The following PRKG1 variants were observed in gnomAD, a reference collection of about 807,000 sequenced individuals.
PRKG1 encodes the protein cGMP-dependent protein kinase 1.
Under a neutral mutation model 88.1 loss-of-function variants are expected in PRKG1, and 35 were observed. The ratio of observed to expected loss-of-function variants is 0.40; its 90% confidence interval spans 0.30 to 0.53. The LOEUF (loss-of-function observed/expected upper bound fraction) is 0.53. PRKG1 is among the 20% of genes least tolerant of loss of function. The pLI, the probability that PRKG1 is intolerant of heterozygous loss-of-function variation, is 0.59. For missense variants in PRKG1, 540 were observed against 839.8 expected, an observed-to-expected ratio of 0.64 and a Z score of 4.41; for synonymous variants, 303 against 292.5, an observed-to-expected ratio of 1.04 and a Z score of -0.37.
At chr10:52,052,288 T>G (rs1846005896) in intron 5 of PRKG1, among the ~76,000 whole-genome samples, 1 of 152,020 alleles carries the variant, frequency 6.6e-6, no homozygotes, top group Non-Finnish European at 1.5e-5. Flanking sequence ...TCAGAAATGT[T>G]TGCTGGAAAG....
At chr10:51,408,396 A>G (rs1345418101) in intron 2 of PRKG1, among the ~76,000 whole-genome samples, 1 of 152,206 alleles carries the variant, frequency 6.6e-6, no homozygotes, top group Non-Finnish European at 1.5e-5. Flanking sequence ...GTTAGAGGCA[A>G]TGCTGTATGG....
At chr10:52,086,735 A>G (rs568276866) in intron 7 of PRKG1, among the ~76,000 whole-genome samples, 7 of 152,202 alleles carry the variant, frequency 4.6e-5, no homozygotes, top group African/African-American at 1.4e-4. Flanking sequence ...AATTCGCTAT[A>G]TGTGGGCATT....
chr10:52,192,870 T>A (rs1036603181), intron 9 of PRKG1, among the ~76,000 whole-genome samples: 2 of 152,056 alleles, frequency 1.3e-5, no homozygotes, highest in African/African-American at 4.8e-5. Flanking sequence ...AGCTGTAGAT[T>A]TTTTTTTCAC....
intron 3 of PRKG1, among the ~76,000 whole-genome samples, chr10:51,507,530 T>C (rs1841257107): frequency 6.6e-6 from 1 of 152,088 alleles, no homozygotes; most frequent in African/African-American, 2.4e-5. Context: ...GTATCATGAG[T>C]ACAGTGTTTC....
chr10:51,375,198 A>C (rs1181375318), intron 2 of PRKG1, among the ~76,000 whole-genome samples: 2 of 152,188 alleles, frequency 1.3e-5, no homozygotes, highest in Non-Finnish European at 2.9e-5. Flanking sequence ...CTGCTACTGT[A>C]AGTTAGAAAG....
At chr10:51,145,177 G>T (rs1845914308) in intron 1 of PRKG1, among the ~76,000 whole-genome samples, 1 of 152,172 alleles carries the variant, frequency 6.6e-6, no homozygotes, top group East Asian at 1.9e-4. Flanking sequence ...CTCAATGTAT[G>T]CCCTGATGAT....
intron 3 of PRKG1, among the ~76,000 whole-genome samples, chr10:51,581,849 C>G (rs903449696): frequency 2.0e-5 from 3 of 151,688 alleles, no homozygotes; most frequent in African/African-American, 7.3e-5. Flanking sequence ...TATTCCATAG[C>G]AATAGTTTCA....
chr10:51,695,671 G>A (rs1235830743), intron 3 of PRKG1: 2 of 152,104 alleles, frequency 1.3e-5, no homozygotes, highest in African/African-American at 2.4e-5. Flanking sequence ...ATGTAAACGC[G>A]AGTTATCCTC....
intron 3 of PRKG1, among the ~76,000 whole-genome samples, chr10:51,735,930 C>CTTTTTTT (rs1180307253): frequency 1.1e-4 from 8 of 74,962 alleles, no homozygotes; most frequent in African/African-American, 1.6e-4. Context: ...TTTAAGTTGT[C>CTTTTTTT]TTTTTTTTTT....
chr10:51,901,912 T>A (rs1201770854), intron 4 of PRKG1, among the ~76,000 whole-genome samples: 1 of 152,112 alleles, frequency 6.6e-6, no homozygotes, highest in Admixed American at 6.5e-5. Context: ...TGATGTGACA[T>A]TTAAAAAATA....
In PRKG1 at chr10:51,535,970, G is replaced by A. The variant is rs891134361; in HGVS notation, c.592+68134G>A. Among the ~76,000 whole-genome samples, 24 of 152,136 alleles carry A rather than the reference G, an allele frequency of 1.6e-4. No homozygotes were observed. In the South Asian group the frequency reaches 2.7e-3, roughly 17 times the overall value. On this transcript the variant is annotated intron_variant, in intron 3 of 17. Transcript: ENST00000373980. ...CCTCCTGACCTCAGGTGATCCACCC[G>A]CCTCAGCTTCCCAAAGCCCTGTGAT...
At chr10:51,226,622 A>G (rs1003190565) in intron 2 of PRKG1, among the ~76,000 whole-genome samples, 1 of 152,224 alleles carries the variant, frequency 6.6e-6, no homozygotes. Context: ...GCTTAATAGC[A>G]TACTAATACA....
At chr10:51,507,854 T>C (rs923835649) in intron 3 of PRKG1, among the ~76,000 whole-genome samples, 3 of 152,192 alleles carry the variant, frequency 2.0e-5, no homozygotes, top group African/African-American at 4.8e-5. Context: ...TCCATGTCTA[T>C]AGCTTACAGT....
At chr10:51,943,037 C>G (rs1842945136) in intron 5 of PRKG1, among the ~76,000 whole-genome samples, 1 of 151,950 alleles carries the variant, frequency 6.6e-6, no homozygotes, top group Admixed American at 6.6e-5. Context: ...TATAAATTAC[C>G]TTGGGCAGTA....
At chr10:51,641,780 A>T (rs1839807170) in intron 3 of PRKG1, among the ~76,000 whole-genome samples, 1 of 151,766 alleles carries the variant, frequency 6.6e-6, no homozygotes, top group African/African-American at 2.4e-5. Flanking sequence ...GACAAATTAT[A>T]TTTTTCCCCT....
At chr10:51,828,238 T>G (rs1463132254) in intron 4 of PRKG1, among the ~76,000 whole-genome samples, 1 of 152,148 alleles carries the variant, frequency 6.6e-6, no homozygotes, top group Non-Finnish European at 1.5e-5. Flanking sequence ...AGCTTTACTC[T>G]TATTTACCTT....
At chr10:51,408,850 T>G (rs1837997700) in intron 2 of PRKG1, among the ~76,000 whole-genome samples, 1 of 152,228 alleles carries the variant, frequency 6.6e-6, no homozygotes, top group African/African-American at 2.4e-5. Flanking sequence ...AATCCTCTTC[T>G]GCTGAGGTCA....
intron 3 of PRKG1, among the ~76,000 whole-genome samples, chr10:51,714,999 T>C (rs1841851519): frequency 6.6e-6 from 1 of 152,158 alleles, no homozygotes; most frequent in Non-Finnish European, 1.5e-5. Flanking sequence ...TATGCCACTA[T>C]TCTTTTTTTA....
chr10:51,760,472 G>GTTTTTTTT (rs761249668), intron 3 of PRKG1, among the ~76,000 whole-genome samples: 1 of 110,050 alleles, frequency 9.1e-6, no homozygotes, highest in Non-Finnish European at 2.0e-5. Context: ...TTGACTTTTC[G>GTTTTTTTT]TTTTTTTTTT....
Sources: allele counts gnomAD v4.1 joint callset (sites outside exome capture counted in the v4.1 genomes callset), GRCh38; gene constraint gnomAD v4.1.1; transcripts MANE v1.5; gene names NCBI Gene and HGNC (gene_info 2026-07-23, HGNC 2026-07-21).